Variants in OBSL1 observed in about 807,000 individuals in gnomAD.
The protein encoded by OBSL1 is obscurin like cytoskeletal adaptor 1, also known as obscurin-like protein 1.
A neutral mutation model predicts 172.0 loss-of-function variants in OBSL1; 160 were observed. That is an observed-to-expected ratio of 0.93 (90% CI 0.82 to 1.06). The LOEUF (loss-of-function observed/expected upper bound fraction) is 1.06. Ranked by LOEUF, OBSL1 falls within the 50% of genes least tolerant of loss-of-function variation. OBSL1 has a pLI of 0.00. For missense variants in OBSL1, 2,681 were observed against 2,715.4 expected (o/e 0.99, Z 0.28); for synonymous variants, 1,200 against 1,196.3 (o/e 1.00, Z -0.06).
chr2:219,550,390 C>T (rs999783999), downstream of OBSL1: 1 of 203,888 alleles, frequency 4.9e-6, no homozygotes, highest in Non-Finnish European at 1.0e-5. Flanking sequence ...TGTAAAGCCA[C>T]CAGCCTGAGG....
chr2:219,553,147 G>C (rs1340896578), intron 16 of OBSL1, 123 bp from the exon 17 acceptor site: 2 of 1,289,072 alleles, frequency 1.6e-6, no homozygotes, highest in African/African-American at 3.1e-5. Context: ...TGCGTGTCTC[G>C]TGTTCCCAGG....
chr2:219,566,299 A>G (rs920128388), intron 5 of OBSL1, among the ~76,000 whole-genome samples: 4 of 152,104 alleles, frequency 2.6e-5, no homozygotes, highest in African/African-American at 9.7e-5. Flanking sequence ...GAATCTCTTG[A>G]ACCCACAAGG....
intron 1 of OBSL1, among the ~76,000 whole-genome samples, chr2:219,569,767 C>T (rs1697200171): frequency 6.6e-6 from 1 of 152,170 alleles, no homozygotes; most frequent in African/African-American, 2.4e-5. Flanking sequence ...AAAATAGCCT[C>T]CTTATTCTCA....
At position 219,554,631 on chromosome 2, in the gene OBSL1, G is replaced by T; in HGVS notation, c.4719C>A (p.Ala1573=). 1 of 1,611,866 alleles carries T rather than the reference G, an allele frequency of 6.2e-7. No homozygotes were observed. The highest frequency in any genetic ancestry group is 8.5e-7 in the Non-Finnish European group (1 of 1,179,080). The change falls in exon 15 of 21, where the codon GCC becomes GCA. Residue 1573 remains alanine (A), a synonymous_variant. Transcript: ENST00000404537. ...CTGGATACAGCTGTACTCCACCCCG[G>T]GCCCACTCCCCGGTCACACCTTCCT... ...LSQEGVTGEW[A]RGGVQLYPGP...
chr2:219,559,174 C>T, intron 9 of OBSL1, 51 bp downstream of exon 9: 2 of 1,532,920 alleles, frequency 1.3e-6, no homozygotes, highest in Non-Finnish European at 1.8e-6. Context: ...GGTGTCTGTC[C>T]CTTAGCCCCC....
chr2:219,556,736 G>T lies in OBSL1; in HGVS notation c.4067-13C>A, dbSNP rs780422622. On this transcript the variant is annotated splice_polypyrimidine_tract_variant and intron_variant, in intron 12 of 20. Coordinates refer to ENST00000404537, the MANE Select transcript of OBSL1 (RefSeq NM_015311.3). ...ACCAGCAGTGGCTCTAAGGGGCACG[G>T]TAAGGCAGTGAGCTGGGCTGAGTCT... 1 of 1,586,514 alleles carries T rather than the reference G, an allele frequency of 6.3e-7. No homozygotes were observed.
At position 219,552,140 on chromosome 2, in the gene OBSL1, G is replaced by C. The variant is rs746139824; in HGVS notation, c.5385C>G (p.Ala1795=). ...CCACTTCCAGTAGAGCCAGGGACTGGGCGGGCCCCGCCTGGAAGCGGACTT... is the reference window on the plus strand; with the variant it reads ...CCACTTCCAGTAGAGCCAGGGACTGCGCGGGCCCCGCCTGGAAGCGGACTT... ...AGEVRFQAGP[A]QSLALLEVEA... The change falls in exon 19 of 21, where the codon GCC becomes GCG. Residue 1795 remains alanine (A), a synonymous_variant. Transcript: ENST00000404537. 75 of 1,611,490 alleles carry C rather than the reference G, an allele frequency of 4.7e-5. No homozygotes were observed. The highest frequency in any genetic ancestry group is 2.7e-4 in the Admixed American group (16 of 59,776).
chr2:219,552,536 C>A lies in OBSL1; in HGVS notation c.5308G>T (p.Gly1770Trp), dbSNP rs748642255. 2.5e-6 allele frequency: 4 copies of A among 1,596,004 alleles called. No individual in the cohort carries two copies. The highest frequency in any genetic ancestry group is 3.4e-6 in the Non-Finnish European group (4 of 1,177,520). Residue 1770 changes from glycine to tryptophan, a missense_variant and splice_region_variant, in exon 18 of 21, where the codon GGG becomes TGG. This residue lies in a region of OBSL1 where 1,765 missense variants were observed against 1,748.3 expected (regional missense o/e 1.01). Coordinates refer to ENST00000404537, the MANE Select transcript of OBSL1 (RefSeq NM_015311.3). Reference protein sequence around the residue: ...PGARVRIRQEGKKHILVLSEL... With the variant: ...PGARVRIRQEWKKHILVLSEL... ...CGAAAGGGTAACCAGGCGGGCAGAC[C>A]TTCCTGTCGGATGCGGACGCGGGCT...
Position 219,556,724 on chromosome 2 carries a change from C to G in OBSL1, c.4067-1G>C. ...GAGACCAGCTTCACCAGCAGTGGCT[C>G]TAAGGGGCACGGTAAGGCAGTGAGC... On this transcript the variant is annotated splice_acceptor_variant, in intron 12 of 20. Transcript: ENST00000404537. LOFTEE classifies it high-confidence loss of function. The G allele has an allele frequency of 6.3e-7, 1 of 1,598,008 alleles. No homozygotes were observed. The highest frequency in any genetic ancestry group is 8.6e-7 in the Non-Finnish European group (1 of 1,168,106).
At position 219,554,508 on chromosome 2, in the gene OBSL1, A is replaced by G. The variant is rs1184385712; in HGVS notation, c.4842T>C (p.Asp1614=). Residue 1614 remains aspartate, a synonymous_variant, in exon 15 of 21, where the codon GAT becomes GAC. Coordinates refer to ENST00000404537, the MANE Select transcript of OBSL1 (RefSeq NM_015311.3). ...ADSGCVSFTA[D]SLRCAARLIV... ...TGAGTCTGGCTGCGCAGCGCAGGGA[A>G]TCCGCTGTGAAGGAGACACAGCCTG... The G allele has an allele frequency of 6.2e-7, 1 of 1,613,298 alleles. No individual in the cohort carries two copies. The highest frequency in any genetic ancestry group is 2.2e-5 in the East Asian group (1 of 44,880).
chr2:219,557,661 G>A, intron 11 of OBSL1, 43 bp from the exon 12 acceptor site: 31 of 1,507,868 alleles, frequency 2.1e-5, no homozygotes, highest in Non-Finnish European at 2.7e-5. Context: ...GAGAGGCTCA[G>A]GGCTTTGAGG....
At chr2:219,552,454 G>A in intron 18 of OBSL1, 82 bp downstream of exon 18, 4 of 1,417,224 alleles carry the variant, frequency 2.8e-6, no homozygotes, top group Non-Finnish European at 2.8e-6. Context: ...AGCCAGGGGC[G>A]GGGCTTGTCC....
rs555893343 is a variant in OBSL1 at position 219,559,390 on chromosome 2, G to A, written c.3061C>T (p.Arg1021Cys). The A allele has an allele frequency of 1.6e-5, 26 of 1,613,858 alleles. No individual in the cohort carries two copies. The highest frequency in any genetic ancestry group is 8.9e-5 in the East Asian group (4 of 44,880). ...ACTTCCAGCCCATCCTTGTACCAGC[G>A]CACAGGGGCATCCTCCCGAGACAGT... ...CELSREDAPV[R>C]WYKDGLEVEE... Residue 1021 changes from arginine to cysteine, a missense_variant, in exon 9 of 21, where the codon CGC becomes TGC. This residue lies in a region of OBSL1 where 1,765 missense variants were observed against 1,748.3 expected (regional missense o/e 1.01). Transcript: ENST00000404537.
chr2:219,571,008 C>G lies in OBSL1; in HGVS notation c.225G>C (p.Leu75=). The G allele has an allele frequency of 7.0e-7, 1 of 1,423,988 alleles. No homozygotes were observed. Among genetic ancestry groups the G allele is most frequent in the Non-Finnish European group, 9.2e-7 (1 of 1,088,968 alleles). The allele number at this position is 1,423,988 out of a possible 1,614,324, so 88.2% of individuals were successfully genotyped here. The change falls in exon 1 of 21, where the codon CTG becomes CTC. Residue 75 remains leucine, a synonymous_variant. Transcript: ENST00000404537. The part of the protein sequence containing the change: ...AEHGLLLTAA[L]PTDAGVYVCR... ...ACACGTAGACCCCCGCGTCGGTGGG[C>G]AGTGCGGCGGTCAGCAGCAGGCCGT...
chr2:219,552,389 G>C, intron 18 of OBSL1, 147 bp downstream of exon 18: 1 of 868,892 alleles, frequency 1.2e-6, no homozygotes, highest in Non-Finnish European at 1.8e-6. Flanking sequence ...AGGGGCTGGG[G>C]GCGGGGGAAA....
At chr2:219,551,275 A>G in intron 20 of OBSL1, 3 of 1,403,682 alleles carry the variant, frequency 2.1e-6, no homozygotes, top group South Asian at 1.7e-5. Context: ...GTGGCAGGAG[A>G]GAGGAGAAGC....
chr2:219,549,363 C>T, downstream of OBSL1: 1 of 1,606,766 alleles, frequency 6.2e-7, no homozygotes, highest in Non-Finnish European at 8.5e-7. Flanking sequence ...CGGTGAGCTC[C>T]CTGAGCCCAT....
intron 6 of OBSL1, 109 bp from the exon 7 acceptor site, chr2:219,563,736 G>T: frequency 8.1e-7 from 1 of 1,241,364 alleles, no homozygotes; most frequent in Non-Finnish European, 1.1e-6. Flanking sequence ...CTGGAGGAGG[G>T]CTAAGGTCCT....
Position 219,563,461 on chromosome 2 carries a change from C to G in OBSL1, c.2574G>C (p.Glu858Asp). 1.9e-6 allele frequency: 3 copies of G among 1,613,924 alleles called. No individual in the cohort carries two copies. The highest frequency in any genetic ancestry group is 2.5e-6 in the Non-Finnish European group (3 of 1,179,830). Residue 858 changes from glutamate (E) to aspartate (D), a missense_variant, in exon 7 of 21, where the codon GAG (glutamate) becomes GAC (aspartate). Glu to Asp is a conservative substitution (Grantham distance 45). Transcript: ENST00000404537. ...EESDFVVLEN[E>D]GPHRRLVLPA... ...GCAGCACCAGGCGGCGATGGGGCCC[C>G]TCATTCTCCAGCACCACGAAGTCAC...
Sources: allele counts gnomAD v4.1 joint callset (sites outside exome capture counted in the v4.1 genomes callset), GRCh38; gene constraint gnomAD v4.1.1; regional missense constraint gnomAD v4.1.1; transcripts MANE v1.5; gene names NCBI Gene and HGNC (gene_info 2026-07-23, HGNC 2026-07-21).